Variants in MEI4 observed in about 807,000 individuals in gnomAD.
MEI4 encodes the protein meiotic double-stranded break formation protein 4.
Under a neutral mutation model 31.4 loss-of-function variants are expected in MEI4, and 27 were observed. That is an observed-to-expected ratio of 0.86 (90% CI 0.63 to 1.19). The LOEUF (loss-of-function observed/expected upper bound fraction) is 1.19. MEI4 is among the 50% of genes most tolerant of loss of function. The pLI is 0.00. For synonymous variants in MEI4, 122 were observed against 145.4 expected, an observed-to-expected ratio of 0.84 and a Z score of 1.16; for missense variants, 329 against 398.9, an observed-to-expected ratio of 0.82 and a Z score of 1.49.
rs34181852 is a variant in MEI4 at position 77,755,825 on chromosome 6, G to GGTGTGTGTGTGTGTGTGTGTGTGT, written c.233-5298_233-5275dup. Among the ~76,000 whole-genome samples, 484 of 145,240 alleles carry GGTGTGTGTGTGTGTGTGTGTGTGT rather than the reference G, an allele frequency of 3.3e-3. 6 individuals carry two copies. Among genetic ancestry groups the GGTGTGTGTGTGTGTGTGTGTGTGT allele is most frequent in the African/African-American group, 0.011 (457 of 39,760 alleles). ...AATATGTGTCAAATTGTGCTGGAAT[G>GGTGTGTGTGTGTGTGTGTGTGTGT]GTGTGTGTGTGTGTGTGTGTGTGTG... is the stretch of plus-strand genomic sequence containing the variant. On this transcript the variant is annotated intron_variant, in intron 2 of 4. Transcript: ENST00000684080.
At chr6:77,870,281 G>A (rs753274076) in intron 4 of MEI4, among the ~76,000 whole-genome samples, 10 of 152,112 alleles carry the variant, frequency 6.6e-5, no homozygotes, top group Non-Finnish European at 4.4e-5. Context: ...AGTCACCAGG[G>A]TAAAAAACAG....
intron 2 of MEI4, among the ~76,000 whole-genome samples, chr6:77,731,250 T>G (rs1236000511): frequency 6.7e-6 from 1 of 148,282 alleles, no homozygotes; most frequent in Non-Finnish European, 1.5e-5. Context: ...ACCAACAGTG[T>G]AAAAGTGTTC....
At chr6:77,861,071 C>A (rs748609519) in intron 4 of MEI4, among the ~76,000 whole-genome samples, 81 of 152,166 alleles carry the variant, frequency 5.3e-4, no homozygotes, top group Non-Finnish European at 1.3e-4. Flanking sequence ...AACCCCATCA[C>A]CCTCATAGAA....
chr6:77,661,298 G>A (rs1768501786), intron 1 of MEI4, among the ~76,000 whole-genome samples: 2 of 151,988 alleles, frequency 1.3e-5, no homozygotes, highest in African/African-American at 4.8e-5. Context: ...AACTGCTTGG[G>A]TGATTTGACT....
chr6:77,726,273 A>G (rs964346145), intron 2 of MEI4, among the ~76,000 whole-genome samples: 2 of 151,010 alleles, frequency 1.3e-5, no homozygotes, highest in Non-Finnish European at 2.9e-5. Context: ...AGGCAGAAGA[A>G]TTTTTCTTAG....
intron 4 of MEI4, among the ~76,000 whole-genome samples, chr6:77,854,310 C>G (rs1435988126): frequency 8.6e-6 from 1 of 116,810 alleles, no homozygotes; most frequent in Non-Finnish European, 1.7e-5. Context: ...ATATACTTTT[C>G]TTTTAAAATG....
At chr6:77,776,844 T>C (rs1768455077) in intron 3 of MEI4, among the ~76,000 whole-genome samples, 1 of 152,180 alleles carries the variant, frequency 6.6e-6, no homozygotes, top group South Asian at 2.1e-4. Flanking sequence ...TTATTTGATA[T>C]TTGATGGCAA....
intron 4 of MEI4, among the ~76,000 whole-genome samples, chr6:77,865,640 T>C (rs1403420215): frequency 6.6e-6 from 1 of 152,218 alleles, no homozygotes; most frequent in Non-Finnish European, 1.5e-5. Flanking sequence ...AGCTGAGTTC[T>C]ACCAGAGGTA....
At chr6:77,703,446 A>G (rs1433867142) in intron 2 of MEI4, among the ~76,000 whole-genome samples, 1 of 152,220 alleles carries the variant, frequency 6.6e-6, no homozygotes, top group East Asian at 1.9e-4. Flanking sequence ...ACAAAAGGCT[A>G]AAACCATTCA....
Position 77,856,306 on chromosome 6 carries a change from T to A in MEI4, c.900+27244T>A, listed in dbSNP as rs1333323775. Reference sequence around the variant, plus strand: ...GCTGCTCTACCTGGAATGCCATTCCTGAACCTACCCTTCCTTCTCTTTTCT... The same window carrying A: ...GCTGCTCTACCTGGAATGCCATTCCAGAACCTACCCTTCCTTCTCTTTTCT... On this transcript the variant is annotated intron_variant, in intron 4 of 4. Coordinates refer to ENST00000684080, the MANE Select transcript of MEI4 (RefSeq NM_001322247.2). Among the ~76,000 whole-genome samples the A allele has an allele frequency of 3.9e-5, 6 of 152,158 alleles. No individual in the cohort carries two copies. In the East Asian group the frequency reaches 1.2e-3, roughly 29 times the overall value.
rs142425730 is a variant in MEI4, at chr6:77,702,186, C to T, written c.232+11283C>T. Among the ~76,000 whole-genome samples the T allele has an allele frequency of 2.0e-3, 305 of 152,252 alleles. 3 individuals are homozygous for T. In the East Asian group the frequency reaches 0.035, roughly 17 times the overall value. On this transcript the variant is annotated intron_variant, in intron 2 of 4. Transcript: ENST00000684080. ...CTGTTTTCCTGGTCCCAGCCTGCTC[C>T]GCCTCTGTTTCACCTCTTTGTCCTT...
intron 4 of MEI4, among the ~76,000 whole-genome samples, chr6:77,901,094 A>C (rs1406270608): frequency 6.6e-6 from 1 of 151,834 alleles, no homozygotes; most frequent in Non-Finnish European, 1.5e-5. Context: ...TATATAGTAC[A>C]TTTTCTTCAC....
chr6:77,743,308 T>G (rs1767473406), intron 2 of MEI4, among the ~76,000 whole-genome samples: 1 of 152,164 alleles, frequency 6.6e-6, no homozygotes, highest in African/African-American at 2.4e-5. Flanking sequence ...GAGCAGTGGT[T>G]TGTAGTTCTC....
rs1769143469 is a variant in MEI4 at position 77,690,780 on chromosome 6, G to A, written c.109G>A (p.Ala37Thr). The change falls in exon 2 of 5, where the codon GCT becomes ACT. Residue 37 changes from alanine (A) to threonine (T), a missense_variant. Coordinates refer to ENST00000684080, the MANE Select transcript of MEI4 (RefSeq NM_001322247.2). ...CAGCAGAGAATACACAGAGCACCTTGCTATGTTGCTGTCTGAGGAGCAGTC... is the reference window on the plus strand; with the variant it reads ...CAGCAGAGAATACACAGAGCACCTTACTATGTTGCTGTCTGAGGAGCAGTC... ...KSSREYTEHL[A>T]MLLSEEQSKW... 1 of 1,231,530 alleles carries A rather than the reference G, an allele frequency of 8.1e-7. No homozygotes were observed. Among genetic ancestry groups the A allele is most frequent in the Non-Finnish European group, 1.0e-6 (1 of 987,430 alleles). The allele number at this position is 1,231,530 out of a possible 1,614,324, so 76.3% of individuals were successfully genotyped here.
intron 4 of MEI4, among the ~76,000 whole-genome samples, chr6:77,853,487 A>G (rs938141590): frequency 6.6e-6 from 1 of 152,192 alleles, no homozygotes; most frequent in Non-Finnish European, 1.5e-5. Flanking sequence ...GGCATTTAAT[A>G]TCTTTAACTC....
intron 4 of MEI4, among the ~76,000 whole-genome samples, chr6:77,884,299 A>G (rs1423362663): frequency 6.6e-6 from 1 of 152,154 alleles, no homozygotes; most frequent in Non-Finnish European, 1.5e-5. Flanking sequence ...CTCATTTAAC[A>G]AATTGTTCCT....
At chr6:77,915,658 C>T (rs183628714) in intron 4 of MEI4, among the ~76,000 whole-genome samples, 1 of 151,860 alleles carries the variant, frequency 6.6e-6, no homozygotes, top group African/African-American at 2.4e-5. Flanking sequence ...ATTGTTATAT[C>T]TTCTTTCTAA....
intron 2 of MEI4, among the ~76,000 whole-genome samples, chr6:77,746,012 A>T (rs1380152421): frequency 6.6e-6 from 1 of 152,208 alleles, no homozygotes; most frequent in Non-Finnish European, 1.5e-5. Flanking sequence ...CCCACAAGAG[A>T]AAGCAGGAAA....
At chr6:77,883,408 G>A (rs1347726672) in intron 4 of MEI4, among the ~76,000 whole-genome samples, 1 of 151,668 alleles carries the variant, frequency 6.6e-6, no homozygotes, top group Non-Finnish European at 1.5e-5. Context: ...TTTTCTAACT[G>A]CATGTAAACA....
Sources: allele counts gnomAD v4.1 joint callset (sites outside exome capture counted in the v4.1 genomes callset), GRCh38; gene constraint gnomAD v4.1.1; transcripts MANE v1.5; gene names NCBI Gene and HGNC (gene_info 2026-07-23, HGNC 2026-07-21).